CLCN4: variants seen among roughly 807,000 people sequenced by gnomAD.
The protein encoded by CLCN4 is H(+)/Cl(-) exchange transporter 4.
A neutral mutation model predicts 41.7 loss-of-function variants in CLCN4; 1 was observed. That is an observed-to-expected ratio of 0.02 (90% CI 0.01 to 0.11). CLCN4 has a LOEUF of 0.11. Among genes scored for constraint, CLCN4 ranks in the 10% least tolerant of loss-of-function variants. The pLI is 1.00. For synonymous variants in CLCN4, 277 were observed against 285.8 expected (o/e 0.97, Z 0.31); for missense variants, 287 against 661.0 (o/e 0.43, Z 6.20).
intron 1 of CLCN4, 57 bp downstream of exon 1, chrX:10,157,157 A>G (rs1922973716): frequency 3.4e-6 from 1 of 292,885 alleles, no homozygotes. Flanking sequence ...AGTAAAGTAC[A>G]CTGCGACTTT....
chrX:10,181,785 G>C (rs1923692178), intron 2 of CLCN4, among the ~76,000 whole-genome samples: 1 of 111,918 alleles, frequency 8.9e-6, no homozygotes, highest in Non-Finnish European at 1.9e-5. Flanking sequence ...ACAGATCCCT[G>C]TTCTGAGAGC....
intron 2 of CLCN4, among the ~76,000 whole-genome samples, chrX:10,184,207 T>C (rs1923754155): frequency 8.9e-6 from 1 of 112,490 alleles, no homozygotes; most frequent in Non-Finnish European, 1.9e-5. Context: ...GCCCTGTCAT[T>C]TGGACACCTT....
intron 4 of CLCN4, among the ~76,000 whole-genome samples, chrX:10,190,634 T>G (rs1406238465): frequency 8.9e-6 from 1 of 111,969 alleles, no homozygotes; most frequent in African/African-American, 3.2e-5. Flanking sequence ...GATTTCATGA[T>G]CTAGAGAAAA....
chrX:10,218,160 T>G (rs1300806521), intron 11 of CLCN4, among the ~76,000 whole-genome samples: 1 of 112,245 alleles, frequency 8.9e-6, no homozygotes, highest in Non-Finnish European at 1.9e-5. Context: ...TTTAAAACAT[T>G]TAAAAATGAA....
At chrX:10,211,280 A>AAAAAAAAAG (rs1569231299) in intron 9 of CLCN4, among the ~76,000 whole-genome samples, 7 of 105,846 alleles carry the variant, frequency 6.6e-5, no homozygotes, top group Admixed American at 1.0e-4. Context: ...AAAAAAAAAA[A>AAAAAAAAAG]AAAAAAAAGA....
At chrX:10,169,441 T>C (rs1411592391) in intron 2 of CLCN4, among the ~76,000 whole-genome samples, 1 of 111,454 alleles carries the variant, frequency 9.0e-6, no homozygotes, top group Non-Finnish European at 1.9e-5. Flanking sequence ...ACACCTGTTT[T>C]TGTCAGCCCA....
rs146292073 is a variant in CLCN4, at chrX:10,207,196, C to T, written c.843+420C>T. Among the ~76,000 whole-genome samples, 827 of 112,341 alleles carry T rather than the reference C, an allele frequency of 7.4e-3. 1 individual carries two copies. The highest frequency in any genetic ancestry group is 0.024 in the African/African-American group (756 of 30,917). On this transcript the variant is annotated intron_variant, in intron 8 of 12. Transcript: ENST00000380833. The stretch of plus-strand genomic sequence containing the variant: ...TCGGCCTCCCAAAGTACTGGGATTA[C>T]AGGCGTGAGCCACAATACCCGGCCA...
intron 11 of CLCN4, among the ~76,000 whole-genome samples, chrX:10,219,089 C>T (rs191133135): frequency 1.3e-4 from 15 of 112,811 alleles, no homozygotes; most frequent in African/African-American, 4.2e-4. Context: ...CTGTTAGAAT[C>T]AGGGCTTCTA....
At chrX:10,170,473 C>A (rs1923361066) in intron 2 of CLCN4, among the ~76,000 whole-genome samples, 1 of 111,913 alleles carries the variant, frequency 8.9e-6, no homozygotes, top group Non-Finnish European at 1.9e-5. Flanking sequence ...GATTAAAACA[C>A]AATGGCAAGG....
intron 2 of CLCN4, among the ~76,000 whole-genome samples, chrX:10,162,469 T>C (rs904068561): frequency 1.8e-5 from 2 of 112,597 alleles, no homozygotes; most frequent in Non-Finnish European, 3.8e-5. Flanking sequence ...TAGGCAGCAA[T>C]AGATAGCTAA....
intron 11 of CLCN4, among the ~76,000 whole-genome samples, chrX:10,220,233 G>A (rs543501409): frequency 3.6e-5 from 4 of 111,950 alleles, no homozygotes; most frequent in Admixed American, 9.5e-5. Flanking sequence ...AAGTTAGTTC[G>A]TAAAAAGAAA....
intron 9 of CLCN4, among the ~76,000 whole-genome samples, chrX:10,211,915 C>T (rs1924563675): frequency 9.0e-6 from 1 of 111,643 alleles, no homozygotes; most frequent in Non-Finnish European, 1.9e-5. Context: ...GAATTGCCTC[C>T]CTCGTCTCTC....
intron 11 of CLCN4, among the ~76,000 whole-genome samples, chrX:10,217,560 A>G (rs984346717): frequency 3.6e-5 from 4 of 111,775 alleles, no homozygotes; most frequent in African/African-American, 9.8e-5. Context: ...AAGCCACTCA[A>G]TAGCCTAATG....
chrX:10,220,885 G>A lies in CLCN4; in HGVS notation c.2192+8G>A. On this transcript the variant is annotated splice_region_variant and intron_variant, in intron 12 of 12. Coordinates refer to ENST00000380833, the MANE Select transcript of CLCN4 (RefSeq NM_001830.4). ...CCTGGTGACGCGGAGCGGGTGAGTA[G>A]CCGGACATGTGGCCAGAATGACCTA... 3.3e-6 allele frequency: 4 copies of A among 1,195,692 alleles called. No homozygotes were observed. The highest frequency in any genetic ancestry group is 4.5e-6 in the Non-Finnish European group (4 of 880,857).
chrX:10,175,778 G>A (rs746701934), intron 2 of CLCN4, among the ~76,000 whole-genome samples: 6 of 110,784 alleles, frequency 5.4e-5, no homozygotes, highest in Admixed American at 9.6e-5. Flanking sequence ...TTCATGAGCC[G>A]AGGCACCCGG....
At chrX:10,158,048 A>G (rs776811629) in intron 1 of CLCN4, among the ~76,000 whole-genome samples, 1 of 112,674 alleles carries the variant, frequency 8.9e-6, no homozygotes, top group South Asian at 3.6e-4. Flanking sequence ...ACGGCTTGAA[A>G]CATAGAAACT....
intron 12 of CLCN4, among the ~76,000 whole-genome samples, chrX:10,226,662 TAAA>T (rs1924997432): frequency 9.1e-6 from 1 of 109,449 alleles, no homozygotes; most frequent in African/African-American, 3.3e-5. Context: ...GCTAGAGTAA[TAAA>T]GAAGAAAAGA....
chrX:10,163,981 T>G lies in CLCN4; in HGVS notation c.-12+5430T>G, dbSNP rs146759053. Among the ~76,000 whole-genome samples the G allele has an allele frequency of 3.8e-3, 428 of 112,587 alleles. 2 individuals are homozygous for G. The highest frequency in any genetic ancestry group is 0.013 in the African/African-American group (416 of 30,985). On this transcript the variant is annotated intron_variant, in intron 2 of 12. Transcript: ENST00000380833. ...CCCCCAGTTGGTTGAGTCCTACAAG[T>G]CTAGGCAGTGGGATACATGTTAGGA...
At chrX:10,160,159 G>C (rs151064342) in intron 2 of CLCN4, among the ~76,000 whole-genome samples, 3,675 of 109,942 alleles carry the variant, frequency 0.033, 75 homozygotes, top group Middle Eastern at 0.051. Flanking sequence ...TCCCCTGAGG[G>C]CTCCCTTGCC....
Sources: allele counts gnomAD v4.1 joint callset (sites outside exome capture counted in the v4.1 genomes callset), GRCh38; gene constraint gnomAD v4.1.1; transcripts MANE v1.5; gene names NCBI Gene and HGNC (gene_info 2026-07-23, HGNC 2026-07-21).